INO80D: variants seen among roughly 807,000 people sequenced by gnomAD.
The protein encoded by INO80D is INO80 complex subunit D.
INO80D carries 21 observed loss-of-function variants against 87.6 expected under a neutral mutation model. That is an observed-to-expected ratio of 0.24 (90% confidence interval 0.17 to 0.35). The LOEUF (loss-of-function observed/expected upper bound fraction) is 0.35, where lower values mean the gene tolerates loss of function less well. Among genes scored for constraint, INO80D ranks in the 10% least tolerant of loss-of-function variants. INO80D has a pLI of 1.00. For synonymous variants in INO80D, 440 were observed against 491.0 expected, an observed-to-expected ratio of 0.90 and a Z score of 1.37; for missense variants, 982 against 1,280.7, an observed-to-expected ratio of 0.77 and a Z score of 3.56.
At chr2:206,052,280 C>T (rs1014038359) in intron 4 of INO80D, among the ~76,000 whole-genome samples, 3 of 152,162 alleles carry the variant, frequency 2.0e-5, no homozygotes, top group Admixed American at 1.3e-4. Context: ...CTCCGCTTCC[C>T]GGGTCCCAGT....
At chr2:206,072,577 G>C (rs892528398) in intron 1 of INO80D, among the ~76,000 whole-genome samples, 14 of 151,834 alleles carry the variant, frequency 9.2e-5, no homozygotes, top group Admixed American at 2.6e-4. Context: ...CGCGCCTGCC[G>C]TAATTCATAT....
chr2:206,028,999 T>A (rs1438019062), intron 5 of INO80D, among the ~76,000 whole-genome samples: 1 of 151,940 alleles, frequency 6.6e-6, no homozygotes, highest in Non-Finnish European at 1.5e-5. Flanking sequence ...GCCATTCTCC[T>A]GCCTCAGCCT....
chr2:206,004,454 T>C lies in INO80D; in HGVS notation c.2998A>G (p.Ile1000Val), dbSNP rs750804655. 5 of 1,606,650 alleles carry C rather than the reference T, an allele frequency of 3.1e-6. No individual in the cohort carries two copies. Among genetic ancestry groups the C allele is most frequent in the African/African-American group, 1.3e-5 (1 of 74,940 alleles). ...PKDLQPSHSS[I>V]APPTGFTVTG... ...ACTGTGAAGCCTGTAGGAGGGGCTATAGAGCTGTGGCTGGGCTGCAGGTCC... is the reference window on the plus strand; with the variant it reads ...ACTGTGAAGCCTGTAGGAGGGGCTACAGAGCTGTGGCTGGGCTGCAGGTCC... Residue 1000 changes from isoleucine to valine, a missense_variant, in exon 11 of 11, where the codon ATA (isoleucine) becomes GTA (valine). Ile to Val is a conservative substitution (Grantham distance 29, BLOSUM62 3). Transcript: ENST00000403263. The surrounding 1 kb of genome is among the most constrained non-coding windows in gnomAD (Gnocchi z 4.9).
At chr2:206,026,655 T>A (rs1008740018) in intron 6 of INO80D, among the ~76,000 whole-genome samples, 49 of 149,328 alleles carry the variant, frequency 3.3e-4, no homozygotes, top group African/African-American at 1.2e-3. Context: ...ATATATTTTA[T>A]ATATAACAGA....
At chr2:206,027,181 G>C (rs1275652215) in intron 6 of INO80D, among the ~76,000 whole-genome samples, 2 of 148,240 alleles carry the variant, frequency 1.3e-5, no homozygotes, top group Non-Finnish European at 3.0e-5. Flanking sequence ...CACACACAGA[G>C]AAAGACTAGA....
At chr2:206,026,219 T>A (rs1688612054) in intron 6 of INO80D, among the ~76,000 whole-genome samples, 1 of 152,072 alleles carries the variant, frequency 6.6e-6, no homozygotes, top group Non-Finnish European at 1.5e-5. Flanking sequence ...ATTTTAAAAT[T>A]CAATTTAGTG....
intron 1 of INO80D, among the ~76,000 whole-genome samples, chr2:206,066,753 C>T (rs921255172): frequency 7.5e-5 from 11 of 147,390 alleles, no homozygotes; most frequent in East Asian, 6.0e-4. Context: ...TGCAGTGAGC[C>T]GAGATCGCAC....
chr2:206,060,604 A>G (rs1280962134), intron 3 of INO80D, among the ~76,000 whole-genome samples: 1 of 147,224 alleles, frequency 6.8e-6, no homozygotes, highest in Non-Finnish European at 1.5e-5. Context: ...CTTGTTGCCC[A>G]GGCTGGAGTG....
chr2:206,046,760 T>C (rs930700809), intron 4 of INO80D, 148 bp from the exon 5 acceptor site: 2 of 581,460 alleles, frequency 3.4e-6, no homozygotes, highest in Non-Finnish European at 6.1e-6. Context: ...GAATCTCATT[T>C]CTATTCTTAC....
chr2:206,020,445 T>C (rs574826718), intron 6 of INO80D, among the ~76,000 whole-genome samples: 8 of 152,318 alleles, frequency 5.3e-5, no homozygotes, highest in African/African-American at 1.2e-4. Flanking sequence ...CTCATGCTAC[T>C]AAACCCATAA....
rs756787320 is a variant in INO80D at position 206,017,823 on chromosome 2, T to C, written c.1409-10A>G. ...TGGTTCAAGAGGATATCTGGGTTTT[T>C]TTAAGTTAGGAGTAAAATACACTGA... On this transcript the variant is annotated splice_polypyrimidine_tract_variant and intron_variant, in intron 7 of 10. Coordinates refer to ENST00000403263, the MANE Select transcript of INO80D (RefSeq NM_017759.5). 6.3e-7 allele frequency: 1 copy of C among 1,593,762 alleles called. No homozygotes were observed. The highest frequency in any genetic ancestry group is 8.5e-7 in the Non-Finnish European group (1 of 1,175,136).
chr2:206,026,805 C>T (rs1446438659), intron 6 of INO80D, among the ~76,000 whole-genome samples: 2 of 151,608 alleles, frequency 1.3e-5, no homozygotes, highest in Non-Finnish European at 2.9e-5. Context: ...TGGTAATATG[C>T]CAAATTTCTA....
At chr2:206,084,965 GGAAGGGGCTGGAGTTAGCAGCCCC>G (rs1690396407) in intron 1 of INO80D, among the ~76,000 whole-genome samples, 1 of 152,216 alleles carries the variant, frequency 6.6e-6, no homozygotes, top group African/African-American at 2.4e-5. Context: ...GGCTCTAGGG[GGAAGGGGCTGGAGTTAGCAGCCCC>G]GAATGGGCTC....
At chr2:206,028,476 G>C (rs555029125) in intron 5 of INO80D, 141 bp from the exon 6 acceptor site, 6 of 598,248 alleles carry the variant, frequency 1.0e-5, no homozygotes, top group African/African-American at 7.4e-5. Flanking sequence ...CACACAATTA[G>C]AGTAAGAGAA....
intron 4 of INO80D, 117 bp downstream of exon 4, chr2:206,056,081 G>A: frequency 1.0e-6 from 1 of 974,136 alleles, no homozygotes; most frequent in East Asian, 2.5e-5. Context: ...GCACCACTCT[G>A]CCTCATTGTG....
intron 4 of INO80D, among the ~76,000 whole-genome samples, chr2:206,049,285 G>C (rs1378693012): frequency 2.6e-5 from 4 of 152,200 alleles, no homozygotes; most frequent in Admixed American, 2.6e-4. Flanking sequence ...TATCTAAAAT[G>C]TCAGGTCACC....
At chr2:206,079,245 G>T (rs1302228164) in intron 1 of INO80D, among the ~76,000 whole-genome samples, 2 of 152,004 alleles carry the variant, frequency 1.3e-5, no homozygotes, top group African/African-American at 4.8e-5. Context: ...GCTAATTTTT[G>T]TATTTTTTGT....
At chr2:206,005,614 A>G in intron 10 of INO80D, 81 bp from the exon 11 acceptor site, 2 of 1,125,866 alleles carry the variant, frequency 1.8e-6, no homozygotes, top group Non-Finnish European at 2.5e-6. Flanking sequence ...GAATTATTTT[A>G]AACAATATTC....
At chr2:206,007,585 G>A in intron 9 of INO80D, 144 bp from the exon 10 acceptor site, 1 of 902,588 alleles carries the variant, frequency 1.1e-6, no homozygotes. Flanking sequence ...ACTTTGGGAG[G>A]CCAAGGTGAG....
Sources: allele counts gnomAD v4.1 joint callset (sites outside exome capture counted in the v4.1 genomes callset), GRCh38; gene constraint gnomAD v4.1.1; non-coding constraint Gnocchi (gnomAD v3.1); transcripts MANE v1.5; gene names NCBI Gene and HGNC (gene_info 2026-07-23, HGNC 2026-07-21).